Variants in ZFHX3 observed in about 807,000 individuals in gnomAD.
ZFHX3 encodes zinc finger homeobox 3.
ZFHX3 carries 42 observed loss-of-function variants against 279.1 expected under a neutral mutation model. The observed-to-expected ratio is 0.15, with a 90% CI of 0.12 to 0.19. ZFHX3 has a LOEUF of 0.19. Among genes scored for constraint, ZFHX3 ranks in the 10% least tolerant of loss-of-function variants. The pLI, the probability that ZFHX3 is intolerant of heterozygous loss-of-function variation, is 1.00. For synonymous variants in ZFHX3, 2,293 were observed against 1,957.8 expected, an observed-to-expected ratio of 1.17 and a Z score of -4.52; for missense variants, 4,981 against 4,754.0, an observed-to-expected ratio of 1.05 and a Z score of -1.40.
At chr16:72,961,416 G>A (rs967262876) in intron 1 of ZFHX3, among the ~76,000 whole-genome samples, 2 of 152,174 alleles carry the variant, frequency 1.3e-5, no homozygotes, top group East Asian at 1.9e-4. Flanking sequence ...TCGCAGGGGC[G>A]ATCATTCCGT....
chr16:72,811,954 G>A lies in ZFHX3; in HGVS notation c.3614C>T (p.Pro1205Leu), dbSNP rs753353306. 2 of 1,614,142 alleles carry A rather than the reference G, an allele frequency of 1.2e-6. No individual in the cohort carries two copies. Among genetic ancestry groups the A allele is most frequent in the Non-Finnish European group, 1.7e-6 (2 of 1,180,028 alleles). ...RISFPGSSESPLSSKRPKTAE... is the reference protein window; with the variant it reads ...RISFPGSSESLLSSKRPKTAE... ...TGTTTTTGGTCGCTTCGAAGAGAGGGGAGACTCTGAGCTACCTGGGAAGGA... is the reference window on the plus strand; with the variant it reads ...TGTTTTTGGTCGCTTCGAAGAGAGGAGAGACTCTGAGCTACCTGGGAAGGA... The change falls in exon 6 of 10, where the codon CCC becomes CTC. Residue 1205 changes from proline to leucine, a missense_variant. Pro to Leu is a moderately conservative substitution (Grantham distance 98, BLOSUM62 -3). Transcript: ENST00000268489.
At chr16:72,999,097 G>A (rs759387289) in intron 1 of ZFHX3, among the ~76,000 whole-genome samples, 16 of 152,128 alleles carry the variant, frequency 1.1e-4, no homozygotes, top group Admixed American at 2.0e-4. Flanking sequence ...TCACATGTAC[G>A]CTACAGACAT....
intron 1 of ZFHX3, among the ~76,000 whole-genome samples, chr16:73,033,029 A>C (rs905082375): frequency 1.3e-5 from 2 of 152,132 alleles, no homozygotes; most frequent in African/African-American, 4.8e-5. Flanking sequence ...GGAAAACAGA[A>C]GCCAGGCTCT....
intron 1 of ZFHX3, among the ~76,000 whole-genome samples, chr16:73,824,009 C>T (rs1261480549): frequency 6.6e-6 from 1 of 152,104 alleles, no homozygotes; most frequent in Non-Finnish European, 1.5e-5. Context: ...GTTGATGGAA[C>T]CTTGACATCT....
At chr16:73,276,750 A>T (rs1402655833) in intron 4 of ZFHX3, among the ~76,000 whole-genome samples, 1 of 152,178 alleles carries the variant, frequency 6.6e-6, no homozygotes, top group Non-Finnish European at 1.5e-5. Flanking sequence ...AAATGCTTTC[A>T]TATTCTCACA....
At chr16:73,720,133 T>G (rs1278976722) in intron 1 of ZFHX3, among the ~76,000 whole-genome samples, 7 of 152,226 alleles carry the variant, frequency 4.6e-5, no homozygotes, top group Admixed American at 4.6e-4. Flanking sequence ...TATAGCAATT[T>G]CTTTTTAACA....
chr16:73,544,442 G>A (rs2020075871), intron 2 of ZFHX3, among the ~76,000 whole-genome samples: 1 of 152,202 alleles, frequency 6.6e-6, no homozygotes, highest in African/African-American at 2.4e-5. Flanking sequence ...CGACAGCCAA[G>A]CAGGAACTCT....
At chr16:73,472,169 G>A (rs951951618) in intron 2 of ZFHX3, among the ~76,000 whole-genome samples, 3 of 150,646 alleles carry the variant, frequency 2.0e-5, no homozygotes, top group African/African-American at 7.3e-5. Context: ...TTTTACAGAT[G>A]AGAAAACACC....
chr16:72,838,074 G>A lies in ZFHX3; in HGVS notation c.3449-8215C>T, dbSNP rs1264814833. Among the ~76,000 whole-genome samples the A allele has an allele frequency of 2.0e-5, 3 of 152,198 alleles. No individual in the cohort carries two copies. The South Asian group carries it at 6.2e-4, about 32-fold the overall frequency. On this transcript the variant is annotated intron_variant, in intron 4 of 9. Coordinates refer to ENST00000268489, the MANE Select transcript of ZFHX3 (RefSeq NM_006885.4). ...CTTCCAAGGGGGTTGCAGCAGGGAG[G>A]CCCTGCAGGAAAACCCCACACTGAA... is the stretch of plus-strand genomic sequence containing the variant.
At chr16:73,568,719 C>A (rs11149896) in intron 2 of ZFHX3, among the ~76,000 whole-genome samples, 289 of 152,284 alleles carry the variant, frequency 1.9e-3, no homozygotes, top group African/African-American at 6.5e-3. Context: ...AGCTGGCCCC[C>A]CTCTAGCCAC....
intron 5 of ZFHX3, among the ~76,000 whole-genome samples, chr16:73,192,773 CAG>C (rs1275220956): frequency 6.6e-6 from 1 of 152,192 alleles, no homozygotes; most frequent in Non-Finnish European, 1.5e-5. Flanking sequence ...TGTCCGTCCT[CAG>C]AGAAGGTGGA....
intron 1 of ZFHX3, among the ~76,000 whole-genome samples, chr16:73,735,382 TAAA>T (rs1310717929): frequency 4.9e-5 from 5 of 102,262 alleles, no homozygotes; most frequent in African/African-American, 7.0e-5. Flanking sequence ...TGTGTGCTTC[TAAA>T]AAAAAAAAAA....
At chr16:73,432,659 T>C (rs1340296239) in intron 3 of ZFHX3, among the ~76,000 whole-genome samples, 1 of 152,166 alleles carries the variant, frequency 6.6e-6, no homozygotes, top group African/African-American at 2.4e-5. Flanking sequence ...AAGGTATAAG[T>C]AGAAGCCATT....
upstream of ZFHX3, among the ~76,000 whole-genome samples, chr16:73,063,941 C>T (rs945909396): frequency 6.6e-6 from 1 of 152,032 alleles, no homozygotes; most frequent in African/African-American, 2.4e-5. Flanking sequence ...GTTCAGTGTC[C>T]GGCCCGCCAG....
At chr16:73,347,395 G>A (rs939415861) in intron 3 of ZFHX3, among the ~76,000 whole-genome samples, 7 of 152,222 alleles carry the variant, frequency 4.6e-5, no homozygotes, top group Non-Finnish European at 8.8e-5. Flanking sequence ...ATACCCAGTC[G>A]TGGAAACACA....
intron 3 of ZFHX3, among the ~76,000 whole-genome samples, chr16:72,927,947 T>C (rs926337673): frequency 2.7e-5 from 4 of 147,598 alleles, no homozygotes; most frequent in East Asian, 2.0e-4. Flanking sequence ...GACTCAGTAA[T>C]TGTTTAATTC....
chr16:72,918,912 G>A (rs1420901205), intron 3 of ZFHX3, among the ~76,000 whole-genome samples: 3 of 151,984 alleles, frequency 2.0e-5, no homozygotes, highest in Admixed American at 6.5e-5. Context: ...TAGCCAGGAT[G>A]GTCTCGATCT....
chr16:72,939,031 C>T (rs1159966764), intron 3 of ZFHX3, among the ~76,000 whole-genome samples: 1 of 152,196 alleles, frequency 6.6e-6, no homozygotes, highest in East Asian at 1.9e-4. Flanking sequence ...CCCTGGGACC[C>T]GCGCCACTTG....
At chr16:73,582,535 C>T (rs1008539791) in intron 2 of ZFHX3, among the ~76,000 whole-genome samples, 6 of 151,904 alleles carry the variant, frequency 3.9e-5, no homozygotes, top group African/African-American at 1.5e-4. Context: ...AGTGCAATGG[C>T]ATGATCTTGG....
Sources: gnomAD v4.1 joint callset for allele counts (sites outside exome capture counted in the v4.1 genomes callset) on GRCh38, gnomAD v4.1.1 for gene constraint, MANE v1.5 for transcripts, NCBI Gene and HGNC (gene_info 2026-07-23, HGNC 2026-07-21) for gene names.